The following MOK variants were observed in gnomAD, a reference collection of about 807,000 sequenced individuals.
MOK encodes MAPK/MAK/MRK overlapping kinase.
MOK carries 59 observed loss-of-function variants against 54.2 expected under a neutral mutation model. The ratio of observed to expected loss-of-function variants is 1.09; its 90% CI spans 0.88 to 1.35. The LOEUF is 1.35. Ranked by LOEUF, MOK falls within the 40% of genes most tolerant of loss-of-function variation. The pLI, the probability that MOK is intolerant of heterozygous loss-of-function variation, is 0.00. For synonymous variants in MOK, 210 were observed against 202.7 expected (o/e 1.04, Z -0.31); for missense variants, 517 against 526.2 (o/e 0.98, Z 0.17).
rs1489842280 is a variant in MOK, at chr14:102,254,209, T to C, written c.284-2214A>G. Among the ~76,000 whole-genome samples the C allele has an allele frequency of 2.6e-5, 4 of 152,278 alleles. No homozygotes were observed. The South Asian group carries it at 8.3e-4, about 32-fold the overall frequency. The stretch of plus-strand genomic sequence containing the variant: ...TTCACTATGTTGACCAGGCTGGTCT[T>C]GAACTCCTGACCTCGAGATCCGCCC... On this transcript the variant is annotated intron_variant, in intron 4 of 11. Transcript: ENST00000361847.
At chr14:102,226,143 A>G, downstream of MOK, 1 of 590,896 alleles carries the variant, frequency 1.7e-6, no homozygotes, top group Non-Finnish European at 3.0e-6. This position sits in a 1 kb window ranked among gnomAD's most constrained non-coding sequence, Gnocchi z 4.8. Flanking sequence ...GCCAGATGGA[A>G]ATGGCTGATG....
chr14:102,276,960 A>G (rs528507849), intron 2 of MOK, among the ~76,000 whole-genome samples: 3 of 150,374 alleles, frequency 2.0e-5, no homozygotes, highest in African/African-American at 4.9e-5. Context: ...CAACGCTCCC[A>G]TCACAGCCTC....
intron 7 of MOK, among the ~76,000 whole-genome samples, chr14:102,239,156 T>TC (rs1253517664): frequency 6.6e-6 from 1 of 151,976 alleles, no homozygotes; most frequent in Admixed American, 6.6e-5. Context: ...GCTCTCCCAG[T>TC]CCCTCAGCAT....
the MOK span, among the ~76,000 whole-genome samples, chr14:102,219,139 C>T: frequency 1.3e-5 from 2 of 152,194 alleles, no homozygotes; most frequent in Non-Finnish European, 2.9e-5. Flanking sequence ...CCATGGGGGC[C>T]TAGGTGTCTG....
Position 102,265,866 on chromosome 14 carries a change from G to A in MOK, c.169C>T (p.Leu57=), listed in dbSNP as rs1193839971. 1 of 1,614,030 alleles carries A rather than the reference G, an allele frequency of 6.2e-7. No individual in the cohort carries two copies. Among genetic ancestry groups the A allele is most frequent in the Non-Finnish European group, 8.5e-7 (1 of 1,179,936 alleles). ...NLREIQALRR[L]NPHPNILMLH... ...ATAAGAATGTTTGGGTGCGGATTCA[G>A]GCGCCTCAGTGCTTGGATCTCTCGT... Residue 57 remains leucine, a synonymous_variant, in exon 3 of 12, where the codon CTG becomes TTG. Transcript: ENST00000361847.
chr14:102,289,639 G>A (rs1428296070), intron 1 of MOK, among the ~76,000 whole-genome samples: 2 of 151,990 alleles, frequency 1.3e-5, no homozygotes, highest in African/African-American at 4.8e-5. Flanking sequence ...ACAGGTGTGT[G>A]CCACCATACC....
At chr14:102,301,320 C>T (rs780433275) in intron 1 of MOK, among the ~76,000 whole-genome samples, 4 of 152,196 alleles carry the variant, frequency 2.6e-5, no homozygotes, top group Non-Finnish European at 5.9e-5. Context: ...ATGCCTGAAG[C>T]TGCCATGCCC....
rs972500749 is a variant in MOK, at chr14:102,233,355, C to T, written c.692+333G>A. On this transcript the variant is annotated intron_variant, in intron 8 of 11. Transcript: ENST00000361847. ...TGTGGAGGGCTGCAGAAAGCCCTCA[C>T]CACCTATGCTCTGTGCTTGGGGAAC... 1.3e-5 allele frequency: 3 copies of T among 236,832 alleles called. No homozygotes were observed. The Admixed American group carries it at 1.5e-4, about 12-fold the overall frequency. The allele number at this position is 236,832 out of a possible 1,614,324, so 14.7% of individuals were successfully genotyped here.
At chr14:102,271,917 GGCCCAGGCTGGAGT>G (rs1177280664) in intron 2 of MOK, among the ~76,000 whole-genome samples, 2 of 148,838 alleles carry the variant, frequency 1.3e-5, no homozygotes, top group African/African-American at 5.0e-5. Context: ...CTCACTCTGT[GGCCCAGGCTGGAGT>G]GCAGTAGTGT....
intron 4 of MOK, 76 bp from the exon 5 acceptor site, chr14:102,252,071 T>C: frequency 1.1e-6 from 1 of 895,306 alleles, no homozygotes; most frequent in Admixed American, 2.4e-5. Context: ...AATAATCTAT[T>C]TTTATTTAAC....
At chr14:102,265,795 T>A (rs769815436) in intron 3 of MOK, 28 bp downstream of exon 3, 1 of 1,554,534 alleles carries the variant, frequency 6.4e-7, no homozygotes, top group Non-Finnish European at 8.9e-7. Context: ...CAAATTTAGA[T>A]AACTTTTCAA....
At chr14:102,237,927 C>T (rs903540215) in intron 7 of MOK, 3 of 152,392 alleles carry the variant, frequency 2.0e-5, no homozygotes, top group African/African-American at 4.8e-5. Context: ...GAGCATGAGG[C>T]TCCCTCCTTT....
At chr14:102,242,282 T>A (rs1034791328) in intron 7 of MOK, among the ~76,000 whole-genome samples, 2 of 152,172 alleles carry the variant, frequency 1.3e-5, no homozygotes, top group Non-Finnish European at 2.9e-5. Context: ...TTCTAAACCT[T>A]TTAAAACTCC....
At chr14:102,294,634 A>AT (rs371695172) in intron 1 of MOK, among the ~76,000 whole-genome samples, 1 of 152,118 alleles carries the variant, frequency 6.6e-6, no homozygotes, top group East Asian at 1.9e-4. Context: ...GAAAAAAAAA[A>AT]GAAAATCAAA....
intron 1 of MOK, among the ~76,000 whole-genome samples, chr14:102,292,426 T>C (rs1205346677): frequency 6.6e-6 from 1 of 151,930 alleles, no homozygotes; most frequent in African/African-American, 2.4e-5. Context: ...TGAGCCGAGA[T>C]AGCACCACTG....
chr14:102,304,657 A>T (rs988013255), intron 1 of MOK, among the ~76,000 whole-genome samples: 5 of 152,222 alleles, frequency 3.3e-5, no homozygotes, highest in Admixed American at 6.5e-5. Context: ...TCAACTCCCT[A>T]AACTCCAATG....
At chr14:102,288,088 C>T (rs1463296662) in intron 1 of MOK, among the ~76,000 whole-genome samples, 1 of 150,834 alleles carries the variant, frequency 6.6e-6, no homozygotes, top group East Asian at 1.9e-4. Context: ...CCCGCCTCGG[C>T]CTCCCAAAGT....
intron 10 of MOK, 101 bp from the exon 11 acceptor site, chr14:102,229,758 A>C (rs770587531): frequency 8.3e-6 from 9 of 1,085,476 alleles, no homozygotes; most frequent in Non-Finnish European, 5.2e-6. Flanking sequence ...TGCCTAATAC[A>C]ATTTCTTGAC....
chr14:102,218,027 G>A, the MOK span, among the ~76,000 whole-genome samples: 2 of 152,226 alleles, frequency 1.3e-5, no homozygotes, highest in Non-Finnish European at 2.9e-5. Flanking sequence ...TCCACAGCAC[G>A]CCGGCCAGCT....
Sources: allele counts gnomAD v4.1 joint callset (sites outside exome capture counted in the v4.1 genomes callset), GRCh38; gene constraint gnomAD v4.1.1; non-coding constraint Gnocchi (gnomAD v3.1); transcripts MANE v1.5; gene names NCBI Gene and HGNC (gene_info 2026-07-23, HGNC 2026-07-21).